The following CPED1 variants were observed in gnomAD, a reference collection of about 807,000 sequenced individuals.
The protein encoded by CPED1 is cadherin-like and PC-esterase domain-containing protein 1.
Under a neutral mutation model 128.2 loss-of-function variants are expected in CPED1, and 114 were observed. The ratio of observed to expected loss-of-function variants is 0.89; its 90% CI spans 0.76 to 1.04. The LOEUF is 1.04. Ranked by LOEUF, CPED1 falls within the 50% of genes least tolerant of loss-of-function variation. CPED1 has a pLI of 0.00. For missense variants in CPED1, 1,211 were observed against 1,207.1 expected, an observed-to-expected ratio of 1.00 and a Z score of -0.05; for synonymous variants, 462 against 426.7, an observed-to-expected ratio of 1.08 and a Z score of -1.02.
chr7:121,262,776 G>A (rs775178058), intron 18 of CPED1, among the ~76,000 whole-genome samples: 3 of 151,352 alleles, frequency 2.0e-5, no homozygotes, highest in Non-Finnish European at 4.4e-5. Flanking sequence ...AATATATAGA[G>A]GTTGAATAGG....
chr7:121,244,095 G>A, intron 17 of CPED1, 107 bp from the exon 18 acceptor site: 1 of 1,273,882 alleles, frequency 7.9e-7, no homozygotes, highest in Non-Finnish European at 1.1e-6. Context: ...GGATAAGGAT[G>A]GTCTTACTAT....
chr7:121,207,409 A>C (rs1317696588), intron 16 of CPED1, among the ~76,000 whole-genome samples: 1 of 152,064 alleles, frequency 6.6e-6, no homozygotes, highest in Non-Finnish European at 1.5e-5. Context: ...TAAAGTAAAA[A>C]ATGTAAAACA....
intron 5 of CPED1, among the ~76,000 whole-genome samples, chr7:121,081,567 C>T (rs561732769): frequency 6.6e-6 from 1 of 152,168 alleles, no homozygotes; most frequent in South Asian, 2.1e-4. Flanking sequence ...CTTTCATTAA[C>T]ATCATAGGGT....
intron 2 of CPED1, among the ~76,000 whole-genome samples, chr7:120,995,415 C>T (rs6955429): frequency 0.024 from 3,603 of 152,266 alleles, 156 homozygotes; most frequent in African/African-American, 0.082. Flanking sequence ...TTCATTTCCT[C>T]TCTCTGATGA....
chr7:121,128,315 G>A (rs1311733107), intron 10 of CPED1, 67 bp from the exon 11 acceptor site: 77 of 803,452 alleles, frequency 9.6e-5, no homozygotes, highest in Middle Eastern at 4.6e-4. Flanking sequence ...TGAAATGGGA[G>A]GTAATTGGGT....
chr7:121,072,412 C>T (rs1289613018), intron 5 of CPED1, among the ~76,000 whole-genome samples: 1 of 152,116 alleles, frequency 6.6e-6, no homozygotes, highest in African/African-American at 2.4e-5. Flanking sequence ...TTAAGAACTA[C>T]TCCCAGCATT....
At chr7:121,003,974 C>G (rs528411776) in intron 2 of CPED1, among the ~76,000 whole-genome samples, 4 of 152,242 alleles carry the variant, frequency 2.6e-5, no homozygotes, top group African/African-American at 9.6e-5. Flanking sequence ...AATGTGGTAC[C>G]TCTTCCCCAC....
intron 14 of CPED1, 129 bp from the exon 15 acceptor site, chr7:121,140,698 T>C (rs541421836): frequency 5.4e-5 from 35 of 647,700 alleles, no homozygotes; most frequent in Middle Eastern, 4.3e-4. Context: ...AGGGTACTGA[T>C]TGGAAAGTCA....
Position 121,127,257 on chromosome 7 carries a change from G to C in CPED1, c.1302G>C (p.Lys434Asn), listed in dbSNP as rs200972467. 5.1e-5 allele frequency: 79 copies of C among 1,556,456 alleles called. No homozygotes were observed. Among genetic ancestry groups the C allele is most frequent in the Non-Finnish European group, 6.9e-5 (79 of 1,137,394 alleles). Residue 434 changes from lysine to asparagine, a missense_variant and splice_region_variant, in exon 10 of 23, where the codon AAG (lysine) becomes AAC (asparagine). By Grantham distance (94) the Lys-to-Asn change is moderately conservative. Coordinates refer to ENST00000310396, the MANE Select transcript of CPED1 (RefSeq NM_024913.5). ...GACTTTATAGATCAGATGTTTTCAA[G>C]GTAAGTGCATATTTGTGTACTGATA... The part of the protein sequence containing the change: ...FQRLYRSDVF[K>N]GENYQKELNQ...
At chr7:121,013,799 C>G (rs1484761885) in intron 2 of CPED1, among the ~76,000 whole-genome samples, 3 of 152,182 alleles carry the variant, frequency 2.0e-5, no homozygotes, top group Non-Finnish European at 4.4e-5. Flanking sequence ...GGTTCCTGTC[C>G]TCAAAGGATT....
rs147550958 is a variant in CPED1, at chr7:121,203,952, C to T, written c.2056-32762C>T. On this transcript the variant is annotated intron_variant, in intron 16 of 22. Transcript: ENST00000310396. The stretch of plus-strand genomic sequence containing the variant: ...GGGCCAAGAAGCAAGACACCCACTT[C>T]TCCACTATAGTGCCTGCATTTGCAC... Among the ~76,000 whole-genome samples the T allele has an allele frequency of 3.4e-3, 511 of 152,190 alleles. 3 individuals carry two copies. Among genetic ancestry groups the T allele is most frequent in the African/African-American group, 0.012 (485 of 41,540 alleles).
At chr7:121,038,675 C>T (rs1279126377) in intron 3 of CPED1, among the ~76,000 whole-genome samples, 1 of 151,864 alleles carries the variant, frequency 6.6e-6, no homozygotes, top group Non-Finnish European at 1.5e-5. Flanking sequence ...AAAATCCCAT[C>T]TAGTATACCA....
chr7:121,291,655 C>T (rs1197563883), intron 22 of CPED1, among the ~76,000 whole-genome samples: 1 of 152,090 alleles, frequency 6.6e-6, no homozygotes, highest in African/African-American at 2.4e-5. Flanking sequence ...GATCTTGTAT[C>T]CTGAGATTTT....
intron 5 of CPED1, among the ~76,000 whole-genome samples, chr7:121,096,301 A>G (rs968569406): frequency 1.3e-5 from 2 of 152,194 alleles, no homozygotes; most frequent in Admixed American, 6.5e-5. Flanking sequence ...CTTTTACTTA[A>G]GAGTGTGAAG....
chr7:121,077,503 C>A (rs1319386418), intron 5 of CPED1, among the ~76,000 whole-genome samples: 2 of 151,890 alleles, frequency 1.3e-5, no homozygotes, highest in Non-Finnish European at 2.9e-5. Flanking sequence ...TACTAGAATG[C>A]TACATAATTC....
At chr7:121,229,702 G>A (rs975148113) in intron 16 of CPED1, among the ~76,000 whole-genome samples, 2 of 152,004 alleles carry the variant, frequency 1.3e-5, no homozygotes, top group African/African-American at 4.8e-5. Context: ...ATTTTCTAAT[G>A]ATGGAAGCTA....
intron 16 of CPED1, among the ~76,000 whole-genome samples, chr7:121,214,177 CATG>C (rs1352466507): frequency 2.0e-5 from 3 of 152,180 alleles, no homozygotes; most frequent in Admixed American, 2.0e-4. Flanking sequence ...CTCTTGCCAA[CATG>C]ATGAGGATAG....
chr7:121,012,997 T>C (rs1477748006), intron 2 of CPED1, among the ~76,000 whole-genome samples: 1 of 152,190 alleles, frequency 6.6e-6, no homozygotes, highest in Non-Finnish European at 1.5e-5. Context: ...GAAATCCCTT[T>C]TGTACTTGAG....
intron 2 of CPED1, among the ~76,000 whole-genome samples, chr7:120,998,066 C>T (rs1585008141): frequency 6.6e-6 from 1 of 152,120 alleles, no homozygotes; most frequent in Non-Finnish European, 1.5e-5. Flanking sequence ...TGGAGTCATG[C>T]AGCTGCACAC....
Sources: gnomAD v4.1 joint callset for allele counts (sites outside exome capture counted in the v4.1 genomes callset) on GRCh38, gnomAD v4.1.1 for gene constraint, MANE v1.5 for transcripts, NCBI Gene and HGNC (gene_info 2026-07-23, HGNC 2026-07-21) for gene names.